SH3PXD2A: variants seen among roughly 807,000 people sequenced by gnomAD.
The protein encoded by SH3PXD2A is SH3 and PX domain-containing protein 2A.
In SH3PXD2A, 32 loss-of-function variants were observed where a neutral mutation model predicts 115.2. The ratio of observed to expected loss-of-function variants is 0.28; its 90% CI spans 0.21 to 0.37. The LOEUF (loss-of-function observed/expected upper bound fraction) is 0.37, where lower values mean the gene tolerates loss of function less well. Among genes scored for constraint, SH3PXD2A ranks in the 10% least tolerant of loss-of-function variants. The probability of loss-of-function intolerance (pLI) is 1.00; values close to 1 mark genes in which losing one functional copy is unlikely to be tolerated. For missense variants in SH3PXD2A, 1,328 were observed against 1,498.7 expected, an observed-to-expected ratio of 0.89 and a Z score of 1.88; for synonymous variants, 610 against 629.1, an observed-to-expected ratio of 0.97 and a Z score of 0.45.
intron 4 of SH3PXD2A, 38 bp downstream of exon 4, chr10:103,735,694 T>A: frequency 2.2e-6 from 3 of 1,340,842 alleles, no homozygotes; most frequent in Non-Finnish European, 2.1e-6. Context: ...CCTGAAGCCC[T>A]CCCCGAGCCC....
intron 12 of SH3PXD2A, among the ~76,000 whole-genome samples, chr10:103,611,837 C>T (rs1157206324): frequency 6.6e-6 from 1 of 152,200 alleles, no homozygotes; most frequent in Non-Finnish European, 1.5e-5. Context: ...CTTGGCTGTG[C>T]TTCCAGGGGA....
At chr10:103,823,246 G>C (rs906170873) in intron 1 of SH3PXD2A, among the ~76,000 whole-genome samples, 3 of 152,220 alleles carry the variant, frequency 2.0e-5, no homozygotes, top group African/African-American at 4.8e-5. Context: ...GAGAGGATGT[G>C]CCACGGATGC....
chr10:103,676,293 G>A (rs889497536), intron 6 of SH3PXD2A, among the ~76,000 whole-genome samples: 3 of 152,180 alleles, frequency 2.0e-5, no homozygotes, highest in African/African-American at 4.8e-5. Context: ...CCCAACCCAG[G>A]GTAGGAATGC....
chr10:103,780,866 G>C (rs567170855), intron 2 of SH3PXD2A, among the ~76,000 whole-genome samples: 1 of 152,102 alleles, frequency 6.6e-6, no homozygotes, highest in Non-Finnish European at 1.5e-5. Flanking sequence ...TTTCATCTTC[G>C]GCTTCACACC....
In SH3PXD2A at chr10:103,612,935, C is replaced by G. The variant is rs2036450356; in HGVS notation, c.1176G>C (p.Val392=). 6.2e-7 allele frequency: 1 copy of G among 1,613,942 alleles called. No homozygotes were observed. The highest frequency in any genetic ancestry group is 1.3e-5 in the African/African-American group (1 of 75,066). ...TGGAGACAGTCCTGTCAGGAACGCC[C>G]ACGGCACTGCCATTGGAGGCATTGC... ...ILCNASNGSA[V]GVPDRTVSRL... The change falls in exon 12 of 15, where the codon GTG becomes GTC. Residue 392 remains valine, a synonymous_variant. Coordinates refer to ENST00000369774, the MANE Select transcript of SH3PXD2A (RefSeq NM_001394015.1).
rs573703288 is a variant in SH3PXD2A at position 103,674,874 on chromosome 10, A to C, written c.428-6222T>G. Among the ~76,000 whole-genome samples, 5 of 152,296 alleles carry C rather than the reference A, an allele frequency of 3.3e-5. No homozygotes were observed. In the East Asian group the frequency reaches 9.6e-4, roughly 29 times the overall value. ...AAACAAAATAAAACAAAACAAAAAA[A>C]CAAAAACAAACACCAATTAAGATGA... On this transcript the variant is annotated intron_variant, in intron 6 of 14. Transcript: ENST00000369774.
At chr10:103,736,155 G>C (rs1174438906) in intron 3 of SH3PXD2A, among the ~76,000 whole-genome samples, 1 of 152,222 alleles carries the variant, frequency 6.6e-6, no homozygotes, top group Non-Finnish European at 1.5e-5. Flanking sequence ...ACACAAAGTA[G>C]AGCCCAGCCC....
intron 4 of SH3PXD2A, among the ~76,000 whole-genome samples, chr10:103,730,088 T>G (rs1055986043): frequency 3.9e-5 from 6 of 152,174 alleles, no homozygotes; most frequent in South Asian, 2.1e-4. Flanking sequence ...ACGGTCATCC[T>G]CCACAGAGCC....
At chr10:103,769,584 AC>A (rs1360966478) in intron 2 of SH3PXD2A, among the ~76,000 whole-genome samples, 1 of 151,732 alleles carries the variant, frequency 6.6e-6, no homozygotes, top group Non-Finnish European at 1.5e-5. Flanking sequence ...GGTGTGTGCC[AC>A]CACGCCTGGC....
intron 1 of SH3PXD2A, among the ~76,000 whole-genome samples, chr10:103,843,575 T>C (rs1333406925): frequency 2.6e-5 from 4 of 152,146 alleles, no homozygotes; most frequent in Non-Finnish European, 5.9e-5. Flanking sequence ...CACAGATCTG[T>C]TCCTATAGCA....
intron 1 of SH3PXD2A, among the ~76,000 whole-genome samples, chr10:103,806,152 G>A (rs754983701): frequency 6.6e-6 from 1 of 152,144 alleles, no homozygotes; most frequent in Non-Finnish European, 1.5e-5. Flanking sequence ...ATGGGGAAGC[G>A]AGCCCCCATT....
At chr10:103,797,445 C>T (rs956378788) in intron 2 of SH3PXD2A, among the ~76,000 whole-genome samples, 5 of 152,010 alleles carry the variant, frequency 3.3e-5, no homozygotes, top group South Asian at 2.1e-4. Flanking sequence ...TCCCCATTTC[C>T]GGTGAACAGC....
In SH3PXD2A at chr10:103,596,458, C is replaced by G. The variant is rs976037681; in HGVS notation, c.*5358G>C. 1.3e-5 allele frequency: 2 copies of G among 152,546 alleles called. No homozygotes were observed. Among genetic ancestry groups the G allele is most frequent in the Non-Finnish European group, 2.9e-5 (2 of 68,026 alleles). 9.4% of individuals were successfully genotyped at this position (152,546 alleles called of 1,614,324 possible). ...AAAGAAAAAAAAATGACACATTGCACTCTCCAGCCAGAATGATGTGTGTGA... is the reference window on the plus strand; with the variant it reads ...AAAGAAAAAAAAATGACACATTGCAGTCTCCAGCCAGAATGATGTGTGTGA... On this transcript the variant is annotated 3_prime_UTR_variant, in exon 15 of 15. Coordinates refer to ENST00000369774, the MANE Select transcript of SH3PXD2A (RefSeq NM_001394015.1).
intron 1 of SH3PXD2A, among the ~76,000 whole-genome samples, chr10:103,853,469 T>C (rs912647480): frequency 5.3e-5 from 8 of 152,216 alleles, no homozygotes; most frequent in Non-Finnish European, 1.0e-4. Context: ...TTGAGTAAAC[T>C]GAGGCTGGGG....
At chr10:103,796,859 CTTTTTTTTTTT>C (rs11352709) in intron 2 of SH3PXD2A, among the ~76,000 whole-genome samples, 1 of 114,128 alleles carries the variant, frequency 8.8e-6, no homozygotes, top group Non-Finnish European at 1.8e-5. Context: ...TTTGGAACAT[CTTTTTTTTTTT>C]TTTTTTTTTG....
chr10:103,661,286 T>C (rs1054459038), intron 7 of SH3PXD2A, among the ~76,000 whole-genome samples, 172 bp from the exon 8 acceptor site: 7 of 152,110 alleles, frequency 4.6e-5, no homozygotes, highest in African/African-American at 1.7e-4. Flanking sequence ...ACAGGCCATA[T>C]AGCAAGGCCC....
intron 9 of SH3PXD2A, among the ~76,000 whole-genome samples, chr10:103,625,290 G>A: frequency 6.6e-6 from 1 of 152,260 alleles, no homozygotes; most frequent in East Asian, 1.9e-4. Flanking sequence ...CCTTCCTGGT[G>A]CAGCCTTTTC....
chr10:103,706,944 G>A (rs1490405420), intron 5 of SH3PXD2A, among the ~76,000 whole-genome samples: 3 of 152,202 alleles, frequency 2.0e-5, no homozygotes, highest in Non-Finnish European at 2.9e-5. Context: ...GGCCTCCTGT[G>A]CTCCGTCCTC....
chr10:103,603,919 T>C, intron 14 of SH3PXD2A, 130 bp from the exon 15 acceptor site: 1 of 1,067,092 alleles, frequency 9.4e-7, no homozygotes, highest in Non-Finnish European at 1.3e-6. Context: ...ACCGAGCCAC[T>C]GAGTAAGTGG....
Sources: allele counts gnomAD v4.1 joint callset (sites outside exome capture counted in the v4.1 genomes callset), GRCh38; gene constraint gnomAD v4.1.1; transcripts MANE v1.5; gene names NCBI Gene and HGNC (gene_info 2026-07-23, HGNC 2026-07-21).